C8orf89: variants seen among roughly 807,000 people sequenced by gnomAD.
The protein encoded by C8orf89 is chromosome 8 open reading frame 89.
C8orf89 carries 14 observed loss-of-function variants against 15.8 expected under a neutral mutation model. The observed-to-expected ratio is 0.89, with a 90% CI of 0.59 to 1.39. The LOEUF is 1.39. Among genes scored for constraint, C8orf89 ranks in the 40% most tolerant of loss-of-function variants. The pLI, the probability that C8orf89 is intolerant of heterozygous loss-of-function variation, is 0.00. For missense variants in C8orf89, 181 were observed against 184.5 expected, an observed-to-expected ratio of 0.98 and a Z score of 0.11; for synonymous variants, 55 against 62.2, an observed-to-expected ratio of 0.88 and a Z score of 0.54.
the C8orf89 span, among the ~76,000 whole-genome samples, chr8:73,280,454 T>C: frequency 7.9e-5 from 12 of 152,278 alleles, no homozygotes; most frequent in South Asian, 2.1e-3. Flanking sequence ...CACTGCAACC[T>C]CCACCTCCCA....
intron 3 of C8orf89, among the ~76,000 whole-genome samples, chr8:73,248,603 T>C (rs1384544017): frequency 6.6e-6 from 1 of 152,184 alleles, no homozygotes; most frequent in African/African-American, 2.4e-5. Context: ...GTTTGTGTCA[T>C]CTCTGATTTA....
chr8:73,262,513 A>T (rs1262802731), upstream of C8orf89, among the ~76,000 whole-genome samples: 1 of 152,164 alleles, frequency 6.6e-6, no homozygotes, highest in African/African-American at 2.4e-5. Context: ...AAAATAAAAA[A>T]AAATTTTTTT....
the C8orf89 span, among the ~76,000 whole-genome samples, chr8:73,278,455 G>A: frequency 1.3e-5 from 2 of 152,100 alleles, no homozygotes; most frequent in Non-Finnish European, 2.9e-5. Context: ...CCTGACGCCC[G>A]GGCGCTGAGG....
chr8:73,258,084 G>C (rs1813440622), intron 1 of C8orf89, among the ~76,000 whole-genome samples: 1 of 152,098 alleles, frequency 6.6e-6, no homozygotes, highest in South Asian at 2.1e-4. Context: ...GCCAAAGAGG[G>C]ATAAATCATT....
At chr8:73,245,211 A>T (rs1011656595) in intron 3 of C8orf89, among the ~76,000 whole-genome samples, 4 of 152,200 alleles carry the variant, frequency 2.6e-5, no homozygotes, top group African/African-American at 9.6e-5. Flanking sequence ...CCCACAACAC[A>T]TGGGAACTAT....
At chr8:73,285,504 G>C in the C8orf89 span, among the ~76,000 whole-genome samples, 6 of 152,238 alleles carry the variant, frequency 3.9e-5, no homozygotes, top group Admixed American at 2.0e-4. Flanking sequence ...AGTGGGACTA[G>C]ATGACCTCTG....
At chr8:73,258,132 C>T (rs1586167330) in intron 1 of C8orf89, among the ~76,000 whole-genome samples, 1 of 152,222 alleles carries the variant, frequency 6.6e-6, no homozygotes, top group African/African-American at 2.4e-5. Flanking sequence ...GAATTATTGG[C>T]TGGGCGTGGT....
chr8:73,245,922 G>A (rs769915233), intron 3 of C8orf89, among the ~76,000 whole-genome samples: 6 of 152,048 alleles, frequency 3.9e-5, no homozygotes, highest in African/African-American at 1.2e-4. Flanking sequence ...ATTTTAGGTC[G>A]TATCCTTCAG....
intron 2 of C8orf89, among the ~76,000 whole-genome samples, chr8:73,256,129 C>CT (rs1813376436): frequency 7.3e-6 from 1 of 136,816 alleles, no homozygotes; most frequent in Non-Finnish European, 1.5e-5. Flanking sequence ...AAATAAATAA[C>CT]AAATAATAAT....
rs190065216 is a variant in C8orf89 at position 73,247,961 on chromosome 8, A to G, written c.337+2307T>C. ...TTCGTTTAATTAGATCCCATTTGTC[A>G]ATTTTTGCTTTTGCGGCATTGCTTT... On this transcript the variant is annotated intron_variant, in intron 3 of 3. Transcript: ENST00000624510. 7.2e-5 allele frequency among the ~76,000 whole-genome samples: 11 copies of G among 152,212 alleles called. No homozygotes were observed. In the East Asian group the frequency reaches 2.1e-3, roughly 29 times the overall value.
At chr8:73,272,605 T>TC in the C8orf89 span, among the ~76,000 whole-genome samples, 1 of 148,980 alleles carries the variant, frequency 6.7e-6, no homozygotes, top group African/African-American at 2.5e-5. Context: ...CCCTCCCCCC[T>TC]CTCCCCACCC....
the C8orf89 span, among the ~76,000 whole-genome samples, chr8:73,274,926 G>T: frequency 6.6e-6 from 1 of 152,092 alleles, no homozygotes; most frequent in South Asian, 2.1e-4. Context: ...TCGATTATAT[G>T]AATATGTAAT....
chr8:73,269,520 G>A, the C8orf89 span, among the ~76,000 whole-genome samples: 1 of 152,184 alleles, frequency 6.6e-6, no homozygotes, highest in East Asian at 1.9e-4. Context: ...GAGAAGCAAT[G>A]GCAGATGCAC....
At chr8:73,263,270 T>C, upstream of C8orf89, among the ~76,000 whole-genome samples, 1 of 152,200 alleles carries the variant, frequency 6.6e-6, no homozygotes. Flanking sequence ...CTCAAGAATT[T>C]GGGAGGCTGA....
chr8:73,262,584 A>T (rs1813548535), upstream of C8orf89, among the ~76,000 whole-genome samples: 1 of 152,106 alleles, frequency 6.6e-6, no homozygotes, highest in Non-Finnish European at 1.5e-5. Flanking sequence ...TGAGAGGCTG[A>T]GGCAGGAGGA....
chr8:73,275,281 G>A, the C8orf89 span, among the ~76,000 whole-genome samples: 2 of 128,530 alleles, frequency 1.6e-5, no homozygotes, highest in Middle Eastern at 6.5e-3. Flanking sequence ...CTGTCACCCA[G>A]GCTGGAATGC....
chr8:73,283,832 G>A, the C8orf89 span, among the ~76,000 whole-genome samples: 3 of 152,086 alleles, frequency 2.0e-5, no homozygotes, highest in South Asian at 2.1e-4. Flanking sequence ...CTGACATCAG[G>A]AGTTCAAGAC....
chr8:73,259,186 G>T (rs569228990), intron 1 of C8orf89, 146 bp downstream of exon 1: 3 of 504,198 alleles, frequency 6.0e-6, no homozygotes, highest in East Asian at 3.4e-5. Context: ...ATTTTAGTTT[G>T]CTTCCATTTT....
intron 2 of C8orf89, among the ~76,000 whole-genome samples, chr8:73,252,702 A>G (rs1228941013): frequency 6.6e-6 from 1 of 152,168 alleles, no homozygotes; most frequent in East Asian, 1.9e-4. Flanking sequence ...TGAAACGTCA[A>G]CCTTGTGTGC....
Sources: allele counts gnomAD v4.1 joint callset (sites outside exome capture counted in the v4.1 genomes callset), GRCh38; gene constraint gnomAD v4.1.1; transcripts MANE v1.5; gene names NCBI Gene and HGNC (gene_info 2026-07-23, HGNC 2026-07-21).